Variants in ZNF208 observed in about 807,000 individuals in gnomAD.
ZNF208 encodes the protein zinc finger protein 208.
In ZNF208, 10 loss-of-function variants were observed where a neutral mutation model predicts 12.1. The observed-to-expected ratio is 0.83, with a 90% CI of 0.51 to 1.40. The LOEUF (loss-of-function observed/expected upper bound fraction) is 1.40, where lower values mean the gene tolerates loss of function less well. Among genes scored for constraint, ZNF208 ranks in the 40% most tolerant of loss-of-function variants. The pLI, the probability that ZNF208 is intolerant of heterozygous loss-of-function variation, is 0.00. For missense variants in ZNF208, 1,652 were observed against 1,485.0 expected (o/e 1.11, Z -1.85); for synonymous variants, 497 against 488.4 (o/e 1.02, Z -0.23).
At chr19:22,008,964 A>G (rs1971096959) in intron 1 of ZNF208, among the ~76,000 whole-genome samples, 1 of 152,266 alleles carries the variant, frequency 6.6e-6, no homozygotes, top group South Asian at 2.1e-4. Context: ...CATGGCGGGT[A>G]TCTTAGTTTT....
chr19:22,010,649 C>T (rs2040654), intron 1 of ZNF208, 143 bp downstream of exon 1: 3 of 1,262,412 alleles, frequency 2.4e-6, no homozygotes, highest in Non-Finnish European at 3.4e-6. Flanking sequence ...ATGGCTGAAC[C>T]GGACTGAGGT....
chr19:21,993,263 C>G (rs1411969008), intron 1 of ZNF208, among the ~76,000 whole-genome samples: 1 of 152,180 alleles, frequency 6.6e-6, no homozygotes, highest in Non-Finnish European at 1.5e-5. Flanking sequence ...CCACGCTGTA[C>G]TGTCCCTACC....
At chr19:22,001,147 T>G (rs934865710) in intron 1 of ZNF208, among the ~76,000 whole-genome samples, 1 of 152,092 alleles carries the variant, frequency 6.6e-6, no homozygotes, top group African/African-American at 2.4e-5. Flanking sequence ...TACCCAGGCA[T>G]AGTGGTGCAT....
At chr19:21,994,757 C>A (rs1190033475) in intron 1 of ZNF208, among the ~76,000 whole-genome samples, 1 of 151,798 alleles carries the variant, frequency 6.6e-6, no homozygotes, top group African/African-American at 2.4e-5. Context: ...ATGACTCTTC[C>A]GTTTATAAGT....
intron 1 of ZNF208, among the ~76,000 whole-genome samples, chr19:22,004,680 A>C (rs1478560215): frequency 1.3e-5 from 2 of 152,192 alleles, no homozygotes; most frequent in Non-Finnish European, 2.9e-5. Context: ...AGAAAACCAA[A>C]TGCATGTTAT....
At chr19:21,952,019 C>T (rs1270617921) in intron 4 of ZNF208, among the ~76,000 whole-genome samples, 4 of 152,334 alleles carry the variant, frequency 2.6e-5, no homozygotes, top group Middle Eastern at 3.4e-3. Context: ...CTCAGCAGGT[C>T]GTGAACCCAC....
intron 4 of ZNF208, among the ~76,000 whole-genome samples, chr19:21,960,218 G>A (rs1218020029): frequency 6.6e-6 from 1 of 151,908 alleles, no homozygotes; most frequent in East Asian, 1.9e-4. Context: ...TTGCTATATT[G>A]TCTCAAATTA....
intron 2 of ZNF208, among the ~76,000 whole-genome samples, chr19:21,988,231 C>T (rs1970659672): frequency 6.6e-6 from 1 of 151,910 alleles, no homozygotes; most frequent in African/African-American, 2.4e-5. Context: ...TGGAAAAACT[C>T]CTATGATTTT....
At chr19:21,995,521 TAA>T (rs1168226777) in intron 1 of ZNF208, among the ~76,000 whole-genome samples, 12 of 152,162 alleles carry the variant, frequency 7.9e-5, no homozygotes, top group African/African-American at 2.9e-4. Context: ...GATTCATAGG[TAA>T]TTGTTAGACG....
In ZNF208 at chr19:21,987,214, A is replaced by G. The variant is rs1407561873; in HGVS notation, c.226+2T>C. On this transcript the variant is annotated splice_donor_variant, in intron 3 of 3. Transcript: ENST00000397126. LOFTEE classifies it high-confidence loss of function. ...ATGTTGTCTGTATTCACTCTCACCT[A>G]CCTGGGGATTCTTCCACCATCTCAT... The G allele has an allele frequency of 1.2e-6, 2 of 1,609,396 alleles. No individual in the cohort carries two copies. Among genetic ancestry groups the G allele is most frequent in the Middle Eastern group, 1.6e-4 (1 of 6,076 alleles).
rs1970389369 is a variant in ZNF208 at position 21,974,532 on chromosome 19, T to A, written c.502A>T (p.Thr168Ser). ...TTACATTGCAAATGTTTCTTTCCAG[T>A]ATGCCTTATCTTATGTCTGTTTGAA... ...SNSNRHKIRHTGKKHLQCKEY... is the reference protein window; with the variant it reads ...SNSNRHKIRHSGKKHLQCKEY... Residue 168 changes from threonine to serine, a missense_variant, in exon 4 of 4, where the codon ACT (threonine) becomes TCT (serine). Physicochemically the swap from Thr to Ser is moderately conservative, Grantham distance 58. This residue lies in a region of ZNF208 where 410 missense variants were observed against 378.2 expected (regional missense o/e 1.08). Transcript: ENST00000397126. 2 of 1,613,722 alleles carry A rather than the reference T, an allele frequency of 1.2e-6. No individual in the cohort carries two copies. The highest frequency in any genetic ancestry group is 1.7e-6 in the Non-Finnish European group (2 of 1,179,730).
intron 1 of ZNF208, among the ~76,000 whole-genome samples, chr19:22,003,134 C>G (rs1970983134): frequency 1.3e-5 from 2 of 151,946 alleles, no homozygotes; most frequent in African/African-American, 4.8e-5. Context: ...GAATAACTAG[C>G]TAGCACTATG....
In ZNF208 at chr19:21,975,823, C is replaced by CA. The variant is rs532995268; in HGVS notation, c.227-1017dup. Among the ~76,000 whole-genome samples the CA allele has an allele frequency of 7.3e-3, 194 of 26,430 alleles. 9 individuals are homozygous for CA. Among genetic ancestry groups the CA allele is most frequent in the South Asian group, 0.033 (11 of 330 alleles). The allele number at this position is 26,430 out of a possible 152,430, so 17.3% of individuals were successfully genotyped here. On this transcript the variant is annotated intron_variant, in intron 3 of 3. Transcript: ENST00000397126. The stretch of plus-strand genomic sequence containing the variant: ...AAAACTGTGTGATATAGTCAAAGTC[C>CA]AAAAAAAAAAAAAAAAAAAAAAAAA...
At chr19:22,006,218 T>C (rs964066987) in intron 1 of ZNF208, among the ~76,000 whole-genome samples, 2 of 152,160 alleles carry the variant, frequency 1.3e-5, no homozygotes, top group African/African-American at 4.8e-5. Context: ...TCTGATTATT[T>C]CACCCTTCAT....
chr19:21,981,784 T>A (rs937425069), intron 3 of ZNF208, among the ~76,000 whole-genome samples: 4 of 152,192 alleles, frequency 2.6e-5, no homozygotes, highest in Non-Finnish European at 5.9e-5. Context: ...TATTTGCAGA[T>A]GACATGATTG....
intron 4 of ZNF208, among the ~76,000 whole-genome samples, chr19:21,948,494 C>T (rs892824586): frequency 6.6e-6 from 1 of 152,134 alleles, no homozygotes; most frequent in Admixed American, 6.5e-5. Context: ...ATTTTGGGCC[C>T]CCAATACCCA....
intron 3 of ZNF208, among the ~76,000 whole-genome samples, chr19:21,981,429 G>T (rs8109537): frequency 2.0e-5 from 3 of 151,564 alleles, no homozygotes; most frequent in African/African-American, 4.8e-5. Flanking sequence ...AAACATAATC[G>T]CTCACATAAA....
chr19:21,987,459 T>G, intron 2 of ZNF208, 148 bp from the exon 3 acceptor site: 2 of 917,156 alleles, frequency 2.2e-6, no homozygotes, highest in Non-Finnish European at 3.0e-6. Context: ...AAAAGGCTTA[T>G]GGGGTGCCTG....
chr19:21,980,445 T>G (rs1356538188), intron 3 of ZNF208, among the ~76,000 whole-genome samples: 1 of 152,120 alleles, frequency 6.6e-6, no homozygotes, highest in African/African-American at 2.4e-5. Context: ...ACATGGAAAC[T>G]GAACAACCTG....
Sources: gnomAD v4.1 joint callset for allele counts (sites outside exome capture counted in the v4.1 genomes callset) on GRCh38, gnomAD v4.1.1 for gene constraint, gnomAD v4.1.1 regional missense constraint, MANE v1.5 for transcripts, NCBI Gene and HGNC (gene_info 2026-07-23, HGNC 2026-07-21) for gene names.